The following LRP1B variants were observed in gnomAD, a reference collection of about 807,000 sequenced individuals.
LRP1B encodes the protein LDL receptor related protein 1B.
LRP1B carries 217 observed loss-of-function variants against 556.6 expected under a neutral mutation model. That is an observed-to-expected ratio of 0.39 (90% CI 0.35 to 0.44). The LOEUF (loss-of-function observed/expected upper bound fraction) is 0.44. Among genes scored for constraint, LRP1B ranks in the 20% least tolerant of loss-of-function variants. LRP1B has a pLI of 1.00. For synonymous variants in LRP1B, 2,047 were observed against 1,865.8 expected (o/e 1.10, Z -2.50); for missense variants, 5,053 against 5,620.8 (o/e 0.90, Z 3.23).
chr2:141,789,735 G>C (rs1249338202), intron 2 of LRP1B, among the ~76,000 whole-genome samples: 1 of 151,996 alleles, frequency 6.6e-6, no homozygotes, highest in Non-Finnish European at 1.5e-5. Flanking sequence ...TCATGTGGTA[G>C]TATTGGTAAG....
intron 31 of LRP1B, among the ~76,000 whole-genome samples, chr2:140,827,950 G>A (rs558584119): frequency 6.8e-6 from 1 of 147,194 alleles, no homozygotes; most frequent in Non-Finnish European, 1.5e-5. Flanking sequence ...TAGGCCTGGA[G>A]AGAGTGGGGT....
intron 2 of LRP1B, among the ~76,000 whole-genome samples, chr2:141,773,281 A>AT (rs1694958935): frequency 6.6e-6 from 1 of 152,174 alleles, no homozygotes; most frequent in South Asian, 2.1e-4. Context: ...GTTTCTTTTA[A>AT]TTTTTTAAAA....
rs1165104966 is a variant in LRP1B at position 140,766,822 on chromosome 2, AATATATATATATATATATATATTAT to A, written c.5758+2366_5758+2390del. Among the ~76,000 whole-genome samples, 108 of 105,622 alleles carry A rather than the reference AATATATATATATATATATATATTAT, an allele frequency of 1.0e-3. 2 individuals are homozygous for A. Among genetic ancestry groups the A allele is most frequent in the African/African-American group, 4.3e-3 (98 of 22,844 alleles). 69.3% of individuals were successfully genotyped at this position (105,622 alleles called of 152,430 possible). A position where few individuals can be genotyped will look rare whatever the true frequency, so the allele number is the denominator to read the frequency against. ...TGTAGCTTCCAGGGCATCTTTGTAA[AATATATATATATATATATATATTAT>A]ATATATATATATATATATAATATAT... On this transcript the variant is annotated intron_variant, in intron 35 of 90. Transcript: ENST00000389484.
At chr2:140,427,191 A>G (rs904488212) in intron 66 of LRP1B, among the ~76,000 whole-genome samples, 3 of 152,142 alleles carry the variant, frequency 2.0e-5, no homozygotes, top group Admixed American at 1.3e-4. Context: ...CTCTCTGATT[A>G]TTCACCCATG....
At chr2:141,740,073 T>C (rs1471559403) in intron 2 of LRP1B, among the ~76,000 whole-genome samples, 2 of 152,112 alleles carry the variant, frequency 1.3e-5, no homozygotes, top group South Asian at 4.1e-4. Context: ...AAGAGGGAAT[T>C]TTAGCTACTC....
intron 6 of LRP1B, among the ~76,000 whole-genome samples, chr2:141,217,837 T>C (rs389518): frequency 0.49 from 75,111 of 151,882 alleles, 19,625 homozygotes; most frequent in Middle Eastern, 0.71. Context: ...ATGCATCTGA[T>C]GAAAGACTGA....
At chr2:140,399,647 C>T (rs1465659641) in intron 66 of LRP1B, among the ~76,000 whole-genome samples, 1 of 152,138 alleles carries the variant, frequency 6.6e-6, no homozygotes, top group East Asian at 1.9e-4. Flanking sequence ...CTTAAAGTAT[C>T]TATTGTCAAA....
intron 1 of LRP1B, among the ~76,000 whole-genome samples, chr2:142,011,829 G>C (rs1404150370): frequency 6.6e-6 from 1 of 152,010 alleles, no homozygotes; most frequent in East Asian, 1.9e-4. Flanking sequence ...GATATTTTGT[G>C]ACATTTAAAA....
At chr2:140,461,336 C>A (rs1687309814) in intron 60 of LRP1B, among the ~76,000 whole-genome samples, 1 of 152,044 alleles carries the variant, frequency 6.6e-6, no homozygotes, top group African/African-American at 2.4e-5. Context: ...GTTAAAATCT[C>A]ATAGTTAATG....
intron 1 of LRP1B, among the ~76,000 whole-genome samples, chr2:141,893,217 T>C (rs1699343833): frequency 6.6e-6 from 1 of 152,184 alleles, no homozygotes; most frequent in Admixed American, 6.5e-5. Context: ...GTGATTTTTT[T>C]GAGAAAGAGT....
At chr2:140,574,316 T>A (rs761356320) in intron 43 of LRP1B, among the ~76,000 whole-genome samples, 3 of 152,156 alleles carry the variant, frequency 2.0e-5, no homozygotes, top group Non-Finnish European at 2.9e-5. Flanking sequence ...ATAGTATGTA[T>A]CTTCAAATTG....
At chr2:141,366,097 C>A (rs947381077) in intron 3 of LRP1B, among the ~76,000 whole-genome samples, 30 of 152,216 alleles carry the variant, frequency 2.0e-4, no homozygotes, top group African/African-American at 7.0e-4. Flanking sequence ...GCTCTTATTT[C>A]TTTGTGTTTT....
intron 1 of LRP1B, among the ~76,000 whole-genome samples, chr2:141,878,672 C>A (rs535667267): frequency 9.2e-5 from 14 of 151,998 alleles, no homozygotes; most frequent in African/African-American, 3.4e-4. Flanking sequence ...TTTCCTAGTA[C>A]CTTCCTTATT....
intron 41 of LRP1B, among the ~76,000 whole-genome samples, chr2:140,671,691 G>A (rs1198015263): frequency 6.6e-6 from 1 of 151,948 alleles, no homozygotes; most frequent in African/African-American, 2.4e-5. Context: ...TATCTTATAA[G>A]GACTCTGTGA....
intron 23 of LRP1B, among the ~76,000 whole-genome samples, chr2:140,888,204 T>C (rs906070524): frequency 6.6e-6 from 1 of 152,144 alleles, no homozygotes; most frequent in African/African-American, 2.4e-5. Context: ...TGAAAAATTT[T>C]CTATCTACAT....
intron 1 of LRP1B, among the ~76,000 whole-genome samples, chr2:141,990,856 AT>A (rs1427552429): frequency 1.3e-5 from 2 of 152,044 alleles, no homozygotes; most frequent in African/African-American, 4.8e-5. Flanking sequence ...ATAATAGCAC[AT>A]TTTAGACTAA....
intron 1 of LRP1B, among the ~76,000 whole-genome samples, chr2:141,847,918 A>G (rs1338546355): frequency 6.6e-6 from 1 of 151,578 alleles, no homozygotes; most frequent in Non-Finnish European, 1.5e-5. Context: ...ATTGGGAAAG[A>G]TATTTGTGAT....
intron 32 of LRP1B, among the ~76,000 whole-genome samples, chr2:140,810,635 C>T (rs542342164): frequency 5.1e-4 from 77 of 152,212 alleles, no homozygotes; most frequent in African/African-American, 1.8e-3. Context: ...AGACTCTTCC[C>T]CTGATTCTCT....
At chr2:141,266,089 C>A (rs1684876987) in intron 3 of LRP1B, among the ~76,000 whole-genome samples, 1 of 152,082 alleles carries the variant, frequency 6.6e-6, no homozygotes, top group African/African-American at 2.4e-5. Flanking sequence ...CTTTGGGAGG[C>A]CGAGGCAGGC....
Sources: gnomAD v4.1 joint callset for allele counts (sites outside exome capture counted in the v4.1 genomes callset) on GRCh38, gnomAD v4.1.1 for gene constraint, MANE v1.5 for transcripts, NCBI Gene and HGNC (gene_info 2026-07-23, HGNC 2026-07-21) for gene names.